The following ATG9A variants were observed in gnomAD, a reference collection of about 807,000 sequenced individuals.
ATG9A encodes the protein autophagy related 9A, also known as autophagy-related protein 9A.
In ATG9A, 21 loss-of-function variants were observed where a neutral mutation model predicts 87.1. The ratio of observed to expected loss-of-function variants is 0.24; its 90% confidence interval spans 0.17 to 0.35. The LOEUF (loss-of-function observed/expected upper bound fraction) is 0.35. Ranked by LOEUF, ATG9A falls within the 10% of genes least tolerant of loss-of-function variation. The pLI is 1.00. For missense variants in ATG9A, 836 were observed against 1,107.3 expected (o/e 0.76, Z 3.48); for synonymous variants, 422 against 441.3 (o/e 0.96, Z 0.55).
In ATG9A at chr2:219,224,001, G is replaced by A. The variant is rs1200302194; in HGVS notation, c.1287C>T (p.His429=). The A allele has an allele frequency of 6.2e-7, 1 of 1,612,384 alleles. No individual in the cohort carries two copies. The highest frequency in any genetic ancestry group is 1.3e-5 in the African/African-American group (1 of 74,918). The part of the protein sequence containing the change: ...TVCRSFIPDQ[H]MVFCPEQLLR... ...GCAGCTGCTCAGGGCAGAACACCAT[G>A]TGCTGGTCCGGGATAAAGGACCTAG... The change falls in exon 9 of 16, where the codon CAC becomes CAT. Residue 429 remains histidine, a synonymous_variant. Transcript: ENST00000361242. This position sits in a 1 kb window ranked among gnomAD's most constrained non-coding sequence, Gnocchi z 7.7.
chr2:219,229,619 G>A lies in ATG9A; in HGVS notation c.-166C>T, dbSNP rs1039350844. The A allele has an allele frequency of 2.0e-5, 3 of 152,754 alleles. No individual in the cohort carries two copies. Among genetic ancestry groups the A allele is most frequent in the Non-Finnish European group, 4.4e-5 (3 of 68,084 alleles). The allele number at this position is 152,754 out of a possible 1,614,324, so 9.5% of individuals were successfully genotyped here. On this transcript the variant is annotated 5_prime_UTR_variant, in exon 1 of 16. Transcript: ENST00000361242. This position sits in a 1 kb window ranked among gnomAD's most constrained non-coding sequence, Gnocchi z 4.2. ...GGCTCGGCGCGACCCGCGGCGCTAG[G>A]CCGGGTGTCTGCCACTCACTGTCAC...
rs1298939622 is a variant in ATG9A, at chr2:219,224,952, C to T, written c.517-98G>A. 3.2e-6 allele frequency: 5 copies of T among 1,577,496 alleles called. No homozygotes were observed. The South Asian group carries it at 4.6e-5, about 14-fold the overall frequency. ...AGAAGTGAGATTCAGGGGTTGTGAGCTTAAGAGACAGTTCCTGATTTGTCA... is the reference window on the plus strand; with the variant it reads ...AGAAGTGAGATTCAGGGGTTGTGAGTTTAAGAGACAGTTCCTGATTTGTCA... On this transcript the variant is annotated intron_variant, in intron 7 of 15. Coordinates refer to ENST00000361242, the MANE Select transcript of ATG9A (RefSeq NM_001077198.3). This position sits in a 1 kb window ranked among gnomAD's most constrained non-coding sequence, Gnocchi z 7.7.
chr2:219,222,542 T>A lies in ATG9A; in HGVS notation c.1849-92A>T. On this transcript the variant is annotated intron_variant, in intron 11 of 15. Coordinates refer to ENST00000361242, the MANE Select transcript of ATG9A (RefSeq NM_001077198.3). The surrounding 1 kb of genome is among the most constrained non-coding windows in gnomAD (Gnocchi z 4.3). Reference sequence around the variant, plus strand: ...CTGTATCTCAGGCCCCAGTGGCACATACTGAAGAGACAGCAGGAAGCCTTC... The same window carrying A: ...CTGTATCTCAGGCCCCAGTGGCACAAACTGAAGAGACAGCAGGAAGCCTTC... 3 of 1,576,314 alleles carry A rather than the reference T, an allele frequency of 1.9e-6. No homozygotes were observed. In the South Asian group the frequency reaches 3.5e-5, roughly 19 times the overall value.
In ATG9A at chr2:219,229,257, G is replaced by A. The variant is rs1950948028; in HGVS notation, c.-82+278C>T. The A allele has an allele frequency of 6.6e-6, 1 of 151,998 alleles. No homozygotes were observed. The highest frequency in any genetic ancestry group is 1.5e-5 in the Non-Finnish European group (1 of 67,938). The allele number at this position is 151,998 out of a possible 1,614,324, so 9.4% of individuals were successfully genotyped here. A position where few individuals can be genotyped will look rare whatever the true frequency, so the allele number is the denominator to read the frequency against. ...TTGCCTCCCCACACCCAGCCGCGGCGACCGTGGACCGGAGTCCACCTCGCC... is the reference window on the plus strand; with the variant it reads ...TTGCCTCCCCACACCCAGCCGCGGCAACCGTGGACCGGAGTCCACCTCGCC... On this transcript the variant is annotated intron_variant, in intron 1 of 15. Coordinates refer to ENST00000361242, the MANE Select transcript of ATG9A (RefSeq NM_001077198.3). This position sits in a 1 kb window ranked among gnomAD's most constrained non-coding sequence, Gnocchi z 4.2.
Position 219,220,471 on chromosome 2 carries a change from G to C in ATG9A, c.2515-19C>G, listed in dbSNP as rs368646256. 2 of 1,613,634 alleles carry C rather than the reference G, an allele frequency of 1.2e-6. No individual in the cohort carries two copies. Among genetic ancestry groups the C allele is most frequent in the Non-Finnish European group, 1.7e-6 (2 of 1,179,640 alleles). ...TCTATACCTGTGGGGAGAAAGGGTTGGTAATGGAGATAGTCTTCAGCTTCT... is the reference window on the plus strand; with the variant it reads ...TCTATACCTGTGGGGAGAAAGGGTTCGTAATGGAGATAGTCTTCAGCTTCT... On this transcript the variant is annotated intron_variant, in intron 15 of 15. Coordinates refer to ENST00000361242, the MANE Select transcript of ATG9A (RefSeq NM_001077198.3).
rs576401128 is a variant in ATG9A, at chr2:219,221,351, G to C, written c.2146-49C>G. ...GTGGGGGACAGACGGATGTCCATCT[G>C]AAACAGCTGCCCTCCAACCTGGTAT... is the stretch of plus-strand genomic sequence containing the variant. On this transcript the variant is annotated intron_variant, in intron 13 of 15. Coordinates refer to ENST00000361242, the MANE Select transcript of ATG9A (RefSeq NM_001077198.3). 23 of 1,469,566 alleles carry C rather than the reference G, an allele frequency of 1.6e-5. No homozygotes were observed. The South Asian group carries it at 2.4e-4, about 15-fold the overall frequency. 91.0% of individuals were successfully genotyped at this position (1,469,566 alleles called of 1,614,324 possible).
intron 14 of ATG9A, 61 bp downstream of exon 14, chr2:219,221,019 G>A: frequency 6.3e-7 from 1 of 1,595,796 alleles, no homozygotes; most frequent in South Asian, 1.1e-5. Context: ...CCCCTTGAGA[G>A]GCCCTGGAAG....
chr2:219,221,149 G>A lies in ATG9A; in HGVS notation c.2299C>T (p.Pro767Ser), dbSNP rs1385970926. The change falls in exon 14 of 16, where the codon CCC (proline) becomes TCC (serine). Residue 767 changes from proline to serine, a missense_variant. By Grantham distance (74) the Pro-to-Ser change is moderately conservative. Around this residue, in one of 2 missense-constraint regions of ATG9A, gnomAD observed 324 missense variants for 347.6 expected, o/e 0.93. Transcript: ENST00000361242. The part of the protein sequence containing the change: ...PRSASYPCAA[P>S]RPGAPETTAL... ...GTGGTCTCAGGAGCTCCAGGCCGGGGTGCTGCACAGGGATAGCTAGCAGAG... is the reference window on the plus strand; with the variant it reads ...GTGGTCTCAGGAGCTCCAGGCCGGGATGCTGCACAGGGATAGCTAGCAGAG... The A allele has an allele frequency of 6.2e-7, 1 of 1,610,800 alleles. No homozygotes were observed. The highest frequency in any genetic ancestry group is 1.1e-5 in the South Asian group (1 of 90,676).
chr2:219,220,279 G>T lies in ATG9A; in HGVS notation c.*168C>A. On this transcript the variant is annotated 3_prime_UTR_variant, in exon 16 of 16. Transcript: ENST00000361242. ...CTAGGCCCCAAATTCCTCTCCTGGG[G>T]CTGTGGCAAGCCCAGTGTTGGCACC... The T allele has an allele frequency of 1.2e-6, 1 of 843,708 alleles. No homozygotes were observed. The highest frequency in any genetic ancestry group is 1.8e-6 in the Non-Finnish European group (1 of 548,564). The allele number at this position is 843,708 out of a possible 1,614,324, so 52.3% of individuals were successfully genotyped here. A position where few individuals can be genotyped will look rare whatever the true frequency, so the allele number is the denominator to read the frequency against.
chr2:219,222,284 A>G lies in ATG9A; in HGVS notation c.2015T>C (p.Met672Thr), dbSNP rs1393724498. Reference sequence around the variant, plus strand: ...CCGATTTACTCACCCAGAGCCTGTCATGGTGCTGTGAGCCCGGCCTGTGGG... The same window carrying G: ...CCGATTTACTCACCCAGAGCCTGTCGTGGTGCTGTGAGCCCGGCCTGTGGG... ...QAPTGRAHST[M>T]TGSGVDARTA... Residue 672 changes from methionine (M) to threonine (T), a missense_variant, in exon 12 of 16, where the codon ATG becomes ACG. By Grantham distance (81) the Met-to-Thr change is moderately conservative. Coordinates refer to ENST00000361242, the MANE Select transcript of ATG9A (RefSeq NM_001077198.3). The surrounding 1 kb of genome is among the most constrained non-coding windows in gnomAD (Gnocchi z 4.3). The G allele has an allele frequency of 6.2e-7, 1 of 1,613,458 alleles. No homozygotes were observed. Among genetic ancestry groups the G allele is most frequent in the South Asian group, 1.1e-5 (1 of 91,076 alleles).
Position 219,227,833 on chromosome 2 carries a change from A to C in ATG9A, c.104-20T>G. On this transcript the variant is annotated intron_variant, in intron 3 of 15. Coordinates refer to ENST00000361242, the MANE Select transcript of ATG9A (RefSeq NM_001077198.3). The stretch of plus-strand genomic sequence containing the variant: ...AAGGTGCTGTGGGATAGGAACAGAG[A>C]TGTCAGAGCCCTGGGAGAACACAAG... 1 of 1,613,978 alleles carries C rather than the reference A, an allele frequency of 6.2e-7. No homozygotes were observed. Among genetic ancestry groups the C allele is most frequent in the Non-Finnish European group, 8.5e-7 (1 of 1,179,876 alleles).
intron 5 of ATG9A, among the ~76,000 whole-genome samples, chr2:219,226,398 AGCTT>A (rs1950861300): frequency 6.6e-6 from 1 of 152,254 alleles, no homozygotes; most frequent in Non-Finnish European, 1.5e-5. Context: ...CTTGTAAGAA[AGCTT>A]GGCCGGGCGT....
rs760014094 is a variant in ATG9A, at chr2:219,224,715, A to G, written c.656T>C (p.Met219Thr). The stretch of plus-strand genomic sequence containing the variant: ...GAGGGATTTGTTAACCAGTGCCACC[A>G]TGTAGTTCTGGAAACGGAGGATGCG... ...YHRILRFQNYMVALVNKSLLP... is the reference protein window; with the variant it reads ...YHRILRFQNYTVALVNKSLLP... Residue 219 changes from methionine (M) to threonine (T), a missense_variant, in exon 8 of 16, where the codon ATG becomes ACG. Coordinates refer to ENST00000361242, the MANE Select transcript of ATG9A (RefSeq NM_001077198.3). This position sits in a 1 kb window ranked among gnomAD's most constrained non-coding sequence, Gnocchi z 7.7. 5 of 1,614,244 alleles carry G rather than the reference A, an allele frequency of 3.1e-6. No individual in the cohort carries two copies. Among genetic ancestry groups the G allele is most frequent in the Admixed American group, 3.3e-5 (2 of 60,030 alleles).
chr2:219,221,427 C>T (rs1950756807), intron 13 of ATG9A, 125 bp from the exon 14 acceptor site: 2 of 854,958 alleles, frequency 2.3e-6, no homozygotes, highest in Non-Finnish European at 3.6e-6. Flanking sequence ...CTCAGAGCAC[C>T]TATTATGTTA....
chr2:219,220,992 T>C, intron 14 of ATG9A, 88 bp downstream of exon 14: 1 of 1,591,838 alleles, frequency 6.3e-7, no homozygotes, highest in Middle Eastern at 1.7e-4. Flanking sequence ...GGGCCTGTTC[T>C]CTCAGACCTC....
In ATG9A at chr2:219,221,232, C is replaced by T; in HGVS notation, c.2216G>A (p.Gly739Glu). ...VWHRRESDESGESAPDEGGEG... is the reference protein window; with the variant it reads ...VWHRRESDESEESAPDEGGEG... ...TCCCCCTTCATCAGGGGCGCTTTCT[C>T]CACTCTCATCACTCTCCCGGCGGTG... Residue 739 changes from glycine to glutamate, a missense_variant, in exon 14 of 16, where the codon GGA becomes GAA. Physicochemically the swap from Gly to Glu is moderately conservative, Grantham distance 98 (BLOSUM62 -2). Transcript: ENST00000361242. The T allele has an allele frequency of 1.9e-6, 3 of 1,585,408 alleles. No homozygotes were observed. The highest frequency in any genetic ancestry group is 1.7e-4 in the Middle Eastern group (1 of 5,908).
At position 219,228,056 on chromosome 2, in the gene ATG9A, G is replaced by A. The variant is rs1238347861; in HGVS notation, c.-29-3C>T. ...CGCCCCCTGTCCACCTTGACCACCT[G>A]CCAATAAGGAGGAAGAAGAGACCCT... On this transcript the variant is annotated splice_region_variant and splice_polypyrimidine_tract_variant and intron_variant, in intron 2 of 15. Coordinates refer to ENST00000361242, the MANE Select transcript of ATG9A (RefSeq NM_001077198.3). 2.5e-6 allele frequency: 4 copies of A among 1,581,142 alleles called. No individual in the cohort carries two copies. The East Asian group carries it at 9.0e-5, about 35-fold the overall frequency.
chr2:219,223,149 G>A lies in ATG9A; in HGVS notation c.1600-256C>T, dbSNP rs189720246. On this transcript the variant is annotated intron_variant, in intron 10 of 15. Coordinates refer to ENST00000361242, the MANE Select transcript of ATG9A (RefSeq NM_001077198.3). The surrounding 1 kb of genome is among the most constrained non-coding windows in gnomAD (Gnocchi z 4.7). ...GTCGCCCAGGCTGGATTGCAGTGGC[G>A]TGATCTCGGCTCACTGCAAGCTCCG... Among the ~76,000 whole-genome samples the A allele has an allele frequency of 5.4e-4, 81 of 150,366 alleles. No individual in the cohort carries two copies. The East Asian group carries it at 0.013, about 23-fold the overall frequency.
rs199702618 is a variant in ATG9A, at chr2:219,220,760, G to T, written c.2501C>A (p.Pro834His). ...PEEGSEDELP[P>H]QVHKV ...CGGGGCCCTTACCTTGTGCACCTGA[G>T]GGGGTAGCTCATCCTCCGAGCCCTC... The change falls in exon 15 of 16, where the codon CCT becomes CAT. Residue 834 changes from proline to histidine, a missense_variant. Physicochemically the swap from Pro to His is moderately conservative, Grantham distance 77. Coordinates refer to ENST00000361242, the MANE Select transcript of ATG9A (RefSeq NM_001077198.3). 45 of 1,613,246 alleles carry T rather than the reference G, an allele frequency of 2.8e-5. No homozygotes were observed. Among genetic ancestry groups the T allele is most frequent in the Non-Finnish European group, 3.5e-5 (41 of 1,179,918 alleles).
Sources: allele counts gnomAD v4.1 joint callset (sites outside exome capture counted in the v4.1 genomes callset), GRCh38; gene constraint gnomAD v4.1.1; regional missense constraint gnomAD v4.1.1; non-coding constraint Gnocchi (gnomAD v3.1); transcripts MANE v1.5; gene names NCBI Gene and HGNC (gene_info 2026-07-23, HGNC 2026-07-21).